SDK1: variants seen among roughly 807,000 people sequenced by gnomAD.
SDK1 encodes sidekick cell adhesion molecule 1.
SDK1 carries 157 observed loss-of-function variants against 245.5 expected under a neutral mutation model. The observed-to-expected ratio is 0.64, with a 90% CI of 0.56 to 0.73. The LOEUF is 0.73. Among genes scored for constraint, SDK1 ranks in the 30% least tolerant of loss-of-function variants. SDK1 has a pLI of 0.00. For missense variants in SDK1, 3,583 were observed against 3,002.3 expected (o/e 1.19, Z -4.52); for synonymous variants, 1,647 against 1,278.5 (o/e 1.29, Z -6.15).
At chr7:3,799,162 C>G (rs1779041415) in intron 4 of SDK1, among the ~76,000 whole-genome samples, 1 of 152,074 alleles carries the variant, frequency 6.6e-6, no homozygotes, top group South Asian at 2.1e-4. Flanking sequence ...CTTTTTATTA[C>G]TTTTTTGTTT....
chr7:3,800,205 A>G (rs73032394), intron 4 of SDK1, among the ~76,000 whole-genome samples: 2 of 152,000 alleles, frequency 1.3e-5, no homozygotes, highest in African/African-American at 4.8e-5. Context: ...CAAAACTTCC[A>G]TTTCCTAATT....
intron 1 of SDK1, among the ~76,000 whole-genome samples, chr7:3,357,126 A>T (rs1321750457): frequency 2.6e-5 from 4 of 151,632 alleles, no homozygotes; most frequent in African/African-American, 9.7e-5. Context: ...CTCATCAGAA[A>T]AATACCTGCT....
At chr7:3,747,713 G>C (rs1779665953) in intron 4 of SDK1, among the ~76,000 whole-genome samples, 2 of 152,116 alleles carry the variant, frequency 1.3e-5, no homozygotes, top group Non-Finnish European at 2.9e-5. Context: ...GTGTGTGTGT[G>C]TGTGTATGGT....
At chr7:4,131,567 A>G (rs545178313) in intron 27 of SDK1, among the ~76,000 whole-genome samples, 2 of 152,310 alleles carry the variant, frequency 1.3e-5, no homozygotes, top group East Asian at 3.9e-4. Flanking sequence ...TTTCATGCCC[A>G]TTGCCTCTTA....
intron 35 of SDK1, among the ~76,000 whole-genome samples, chr7:4,186,921 G>C (rs1401922863): frequency 6.6e-6 from 1 of 152,158 alleles, no homozygotes; most frequent in African/African-American, 2.4e-5. Flanking sequence ...TCTAGTAGTG[G>C]CCAGACCTGG....
At chr7:3,626,263 G>A (rs538001698) in intron 2 of SDK1, among the ~76,000 whole-genome samples, 1 of 152,144 alleles carries the variant, frequency 6.6e-6, no homozygotes, top group African/African-American at 2.4e-5. Flanking sequence ...AAAATAGAGA[G>A]TAAGAGGACA....
At chr7:3,964,791 C>T (rs1781971489) in intron 9 of SDK1, among the ~76,000 whole-genome samples, 1 of 152,178 alleles carries the variant, frequency 6.6e-6, no homozygotes, top group African/African-American at 2.4e-5. Flanking sequence ...GCCAAGGGCT[C>T]TTCCCACCCA....
intron 17 of SDK1, among the ~76,000 whole-genome samples, chr7:4,045,182 A>T (rs762861107): frequency 6.6e-6 from 1 of 152,132 alleles, no homozygotes; most frequent in African/African-American, 2.4e-5. Flanking sequence ...GTTTAAAAAC[A>T]TTTAGGATGT....
intron 30 of SDK1, among the ~76,000 whole-genome samples, chr7:4,157,004 A>G (rs556551047): frequency 3.3e-5 from 5 of 152,324 alleles, no homozygotes; most frequent in East Asian, 1.9e-4. Context: ...GCCCTCATCT[A>G]TGAAGAGCCG....
At chr7:4,164,458 A>G (rs7790345) in intron 32 of SDK1, among the ~76,000 whole-genome samples, 20,584 of 152,152 alleles carry the variant, frequency 0.14, 2,772 homozygotes, top group African/African-American at 0.35. Flanking sequence ...GTGGGAGGTT[A>G]GAGACATTCA....
At chr7:4,250,463 C>T (rs867934511) in intron 44 of SDK1, among the ~76,000 whole-genome samples, 9 of 152,294 alleles carry the variant, frequency 5.9e-5, no homozygotes, top group South Asian at 2.1e-4. Flanking sequence ...CATGCCTCGG[C>T]TTCCCAAGTA....
chr7:3,415,178 A>G (rs946735390), intron 1 of SDK1, among the ~76,000 whole-genome samples: 26 of 152,206 alleles, frequency 1.7e-4, no homozygotes, highest in Non-Finnish European at 4.4e-5. Context: ...TAGCTATGAA[A>G]GGAACCTGAA....
At chr7:4,076,762 G>A (rs1198932159) in intron 20 of SDK1, among the ~76,000 whole-genome samples, 7 of 152,100 alleles carry the variant, frequency 4.6e-5, no homozygotes. Flanking sequence ...AGGGAGGGAT[G>A]GTCCCCTGTG....
intron 1 of SDK1, among the ~76,000 whole-genome samples, chr7:3,312,265 T>A (rs1779568426): frequency 6.6e-6 from 1 of 152,144 alleles, no homozygotes; most frequent in Non-Finnish European, 1.5e-5. Context: ...GGTCTGAAAC[T>A]GACCTGCAGA....
At chr7:3,396,216 G>T (rs1202423781) in intron 1 of SDK1, among the ~76,000 whole-genome samples, 2 of 151,302 alleles carry the variant, frequency 1.3e-5, no homozygotes, top group African/African-American at 4.9e-5. Flanking sequence ...ATTTTTCTTT[G>T]ACCCGTATTT....
chr7:3,679,508 A>C (rs1240397352), intron 4 of SDK1, among the ~76,000 whole-genome samples: 4 of 152,086 alleles, frequency 2.6e-5, no homozygotes, highest in African/African-American at 4.8e-5. Flanking sequence ...TGGAGCTTGC[A>C]GTGAGCCGAG....
intron 1 of SDK1, among the ~76,000 whole-genome samples, chr7:3,574,337 C>G (rs987802703): frequency 2.0e-5 from 3 of 151,846 alleles, no homozygotes; most frequent in African/African-American, 7.2e-5. Flanking sequence ...AGGCTGGTTT[C>G]GAACTCCTGA....
chr7:3,956,026 C>T (rs997966208), intron 7 of SDK1, among the ~76,000 whole-genome samples: 4 of 152,208 alleles, frequency 2.6e-5, no homozygotes, highest in African/African-American at 9.6e-5. Flanking sequence ...TCACACAGGG[C>T]ATGAGAACCT....
intron 1 of SDK1, among the ~76,000 whole-genome samples, chr7:3,464,695 T>C (rs535416567): frequency 1.2e-4 from 16 of 135,194 alleles, no homozygotes; most frequent in African/African-American, 4.3e-4. Context: ...ATTGTGTATG[T>C]ATGTATATAT....
Sources: gnomAD v4.1 joint callset for allele counts (sites outside exome capture counted in the v4.1 genomes callset) on GRCh38, gnomAD v4.1.1 for gene constraint, MANE v1.5 for transcripts, NCBI Gene and HGNC (gene_info 2026-07-23, HGNC 2026-07-21) for gene names.